LRFN5: variants seen among roughly 807,000 people sequenced by gnomAD.
LRFN5 encodes leucine-rich repeat and fibronectin type-III domain-containing protein 5.
LRFN5 carries 24 observed loss-of-function variants against 45.6 expected under a neutral mutation model. The ratio of observed to expected loss-of-function variants is 0.53; its 90% CI spans 0.38 to 0.74. The LOEUF (loss-of-function observed/expected upper bound fraction) is 0.74. LRFN5 is among the 30% of genes least tolerant of loss of function. The pLI is 0.00. For synonymous variants in LRFN5, 340 were observed against 313.8 expected, an observed-to-expected ratio of 1.08 and a Z score of -0.88; for missense variants, 776 against 861.5, an observed-to-expected ratio of 0.90 and a Z score of 1.24.
At chr14:41,817,274 A>G (rs1316011281) in intron 2 of LRFN5, among the ~76,000 whole-genome samples, 1 of 152,006 alleles carries the variant, frequency 6.6e-6, no homozygotes, top group African/African-American at 2.4e-5. Context: ...ATTGAGTCGC[A>G]TTCTGCTGCT....
chr14:41,699,294 A>G (rs1473338107), intron 1 of LRFN5: 1 of 152,150 alleles, frequency 6.6e-6, no homozygotes, highest in African/African-American at 2.4e-5. Flanking sequence ...TTACCGCAGC[A>G]AGGAGCTGGA....
chr14:41,827,782 T>C (rs1056212258), intron 2 of LRFN5, among the ~76,000 whole-genome samples: 2 of 152,062 alleles, frequency 1.3e-5, no homozygotes, highest in Non-Finnish European at 2.9e-5. Context: ...TTGTTTATAA[T>C]TGCCTGAAAT....
intron 1 of LRFN5, among the ~76,000 whole-genome samples, chr14:41,656,658 A>G (rs1880394487): frequency 6.6e-6 from 1 of 151,932 alleles, no homozygotes; most frequent in African/African-American, 2.4e-5. Context: ...CCCAGAGTAC[A>G]GTGATCAAAC....
At chr14:41,873,874 A>C (rs948758137) in intron 2 of LRFN5, among the ~76,000 whole-genome samples, 44 of 152,194 alleles carry the variant, frequency 2.9e-4, no homozygotes, top group African/African-American at 1.0e-3. Context: ...GACTACAGTT[A>C]CAAGAAATGT....
intron 1 of LRFN5, among the ~76,000 whole-genome samples, chr14:41,613,036 G>A (rs758935082): frequency 6.6e-6 from 1 of 152,006 alleles, no homozygotes; most frequent in Non-Finnish European, 1.5e-5. Context: ...TGGTTAATAA[G>A]TGATAAAAAT....
chr14:41,736,636 T>C (rs1330917025), intron 1 of LRFN5, among the ~76,000 whole-genome samples: 1 of 152,004 alleles, frequency 6.6e-6, no homozygotes, highest in East Asian at 1.9e-4. Flanking sequence ...GAGAGAAGAA[T>C]CAAATAACAC....
At chr14:41,759,775 G>A (rs1294696090) in intron 1 of LRFN5, among the ~76,000 whole-genome samples, 3 of 152,148 alleles carry the variant, frequency 2.0e-5, no homozygotes, top group Non-Finnish European at 4.4e-5. Context: ...GAGACACACT[G>A]TATTTCAAAT....
chr14:41,728,879 T>G (rs2138788081), intron 1 of LRFN5, among the ~76,000 whole-genome samples: 1 of 152,330 alleles, frequency 6.6e-6, no homozygotes, highest in South Asian at 2.1e-4. Context: ...ATGTTGTTTT[T>G]TGTGAGTCCT....
intron 1 of LRFN5, among the ~76,000 whole-genome samples, chr14:41,668,400 C>T (rs1341728699): frequency 6.6e-6 from 1 of 152,006 alleles, no homozygotes; most frequent in Non-Finnish European, 1.5e-5. Flanking sequence ...CAATTTTTAT[C>T]CCAAGCTCCC....
At chr14:41,817,283 C>T (rs188550375) in intron 2 of LRFN5, among the ~76,000 whole-genome samples, 1 of 152,178 alleles carries the variant, frequency 6.6e-6, no homozygotes, top group East Asian at 1.9e-4. Context: ...CATTCTGCTG[C>T]TTGCTCTGTC....
intron 2 of LRFN5, among the ~76,000 whole-genome samples, chr14:41,846,242 C>T (rs1429674783): frequency 6.6e-6 from 1 of 152,076 alleles, no homozygotes; most frequent in Non-Finnish European, 1.5e-5. Context: ...CGCACACACA[C>T]ACTTTCCCAT....
intron 5 of LRFN5, among the ~76,000 whole-genome samples, chr14:41,899,762 T>C (rs1167740610): frequency 2.6e-5 from 4 of 152,162 alleles, no homozygotes; most frequent in Non-Finnish European, 4.4e-5. Flanking sequence ...AAAACAACTT[T>C]GTCAATCTTT....
chr14:41,705,049 T>C (rs778745710), intron 1 of LRFN5, among the ~76,000 whole-genome samples: 2 of 152,282 alleles, frequency 1.3e-5, no homozygotes, highest in Middle Eastern at 3.4e-3. Context: ...GCTTTACTGG[T>C]TCACTTGTTT....
intron 1 of LRFN5, among the ~76,000 whole-genome samples, chr14:41,741,051 A>G (rs886714256): frequency 6.6e-6 from 1 of 150,632 alleles, no homozygotes; most frequent in African/African-American, 2.4e-5. Context: ...GATGAAAACT[A>G]TAATAGGTGA....
At chr14:41,705,756 C>T (rs1594632256) in intron 1 of LRFN5, among the ~76,000 whole-genome samples, 1 of 152,160 alleles carries the variant, frequency 6.6e-6, no homozygotes, top group East Asian at 1.9e-4. Context: ...AGGGTTTACA[C>T]ATTTATAGTA....
chr14:41,803,403 A>C (rs1400882422), intron 2 of LRFN5, among the ~76,000 whole-genome samples: 1 of 151,728 alleles, frequency 6.6e-6, no homozygotes, highest in African/African-American at 2.4e-5. Flanking sequence ...CCAGGTTAGA[A>C]GGCAGTGGTA....
intron 5 of LRFN5, among the ~76,000 whole-genome samples, chr14:41,901,113 T>C (rs1891088601): frequency 6.6e-6 from 1 of 151,980 alleles, no homozygotes; most frequent in Admixed American, 6.6e-5. Context: ...AATATTTTAA[T>C]ATCTAATATA....
At chr14:41,655,281 G>A (rs905221821) in intron 1 of LRFN5, among the ~76,000 whole-genome samples, 3 of 151,966 alleles carry the variant, frequency 2.0e-5, no homozygotes, top group African/African-American at 7.2e-5. Flanking sequence ...GCTGTTGGAA[G>A]GGTTATTATT....
intron 1 of LRFN5, among the ~76,000 whole-genome samples, chr14:41,734,029 C>CTTTTTT (rs58623215): frequency 4.0e-4 from 49 of 123,808 alleles, no homozygotes; most frequent in South Asian, 1.3e-3. Flanking sequence ...CTTTTCTTTT[C>CTTTTTT]TTTTTTTTTT....
Sources: gnomAD v4.1 joint callset for allele counts (sites outside exome capture counted in the v4.1 genomes callset) on GRCh38, gnomAD v4.1.1 for gene constraint, MANE v1.5 for transcripts, NCBI Gene and HGNC (gene_info 2026-07-23, HGNC 2026-07-21) for gene names.